Variants in CRPPA observed in about 807,000 individuals in gnomAD.
CRPPA encodes the protein CDP-L-ribitol pyrophosphorylase A, also known as D-ribitol-5-phosphate cytidylyltransferase.
A neutral mutation model predicts 52.0 loss-of-function variants in CRPPA; 43 were observed. The observed-to-expected ratio is 0.83, with a 90% CI of 0.65 to 1.07. The LOEUF (loss-of-function observed/expected upper bound fraction) is 1.07, where lower values mean the gene tolerates loss of function less well. Among genes scored for constraint, CRPPA ranks in the 50% least tolerant of loss-of-function variants. The pLI is 0.00. For missense variants in CRPPA, 629 were observed against 551.7 expected (o/e 1.14, Z -1.40); for synonymous variants, 250 against 203.5 (o/e 1.23, Z -1.94).
chr7:16,117,305 G>C (rs1282105983), intron 9 of CRPPA, among the ~76,000 whole-genome samples: 2 of 152,164 alleles, frequency 1.3e-5, no homozygotes, highest in African/African-American at 4.8e-5. Context: ...GCAGCATCAG[G>C]GGTGAGTTCT....
intron 9 of CRPPA, among the ~76,000 whole-genome samples, chr7:16,171,760 T>A (rs1278910613): frequency 6.6e-6 from 1 of 152,070 alleles, no homozygotes; most frequent in Non-Finnish European, 1.5e-5. Context: ...GCCACTGCAC[T>A]CAGCCTGGGC....
intron 8 of CRPPA, among the ~76,000 whole-genome samples, chr7:16,234,590 C>G (rs1325869188): frequency 2.6e-5 from 4 of 152,070 alleles, no homozygotes; most frequent in African/African-American, 7.2e-5. Flanking sequence ...TAGAATGTAG[C>G]CATTACTTGA....
In CRPPA at chr7:16,091,460, T is replaced by G. The variant is rs1781835289; in HGVS notation, c.*235A>C. On this transcript the variant is annotated 3_prime_UTR_variant, in exon 10 of 10. Coordinates refer to ENST00000407010, the MANE Select transcript of CRPPA (RefSeq NM_001101426.4). Reference sequence around the variant, plus strand: ...TCATTTGAAGGCTATTATTTTCCACTTATCTACTATTTTTTTCTGGTTCAG... The same window carrying G: ...TCATTTGAAGGCTATTATTTTCCACGTATCTACTATTTTTTTCTGGTTCAG... 2.7e-6 allele frequency: 1 copy of G among 373,500 alleles called. No individual in the cohort carries two copies. Among genetic ancestry groups the G allele is most frequent in the Non-Finnish European group, 4.7e-6 (1 of 211,856 alleles). 23.1% of individuals were successfully genotyped at this position (373,500 alleles called of 1,614,324 possible).
intron 9 of CRPPA, among the ~76,000 whole-genome samples, chr7:16,116,840 T>C (rs554910841): frequency 3.9e-5 from 6 of 152,182 alleles, no homozygotes; most frequent in South Asian, 2.1e-4. Context: ...GAACAAAACA[T>C]GAATAAGATT....
intron 9 of CRPPA, among the ~76,000 whole-genome samples, chr7:16,185,241 G>A (rs921845856): frequency 1.3e-5 from 2 of 152,116 alleles, no homozygotes; most frequent in Non-Finnish European, 2.9e-5. Context: ...GCTTGTGCAG[G>A]GAAACTCCCC....
intron 3 of CRPPA, among the ~76,000 whole-genome samples, chr7:16,374,636 T>C (rs1484190920): frequency 1.3e-5 from 2 of 152,178 alleles, no homozygotes; most frequent in East Asian, 3.9e-4. Context: ...TACCAGTCTA[T>C]CTGCATCTTT....
intron 9 of CRPPA, among the ~76,000 whole-genome samples, chr7:16,183,096 T>C (rs989662532): frequency 6.6e-6 from 1 of 152,082 alleles, no homozygotes; most frequent in African/African-American, 2.4e-5. Flanking sequence ...CCCAGGGAAC[T>C]GTAACTAAAT....
intron 5 of CRPPA, among the ~76,000 whole-genome samples, chr7:16,285,261 C>G (rs1287184004): frequency 6.6e-6 from 1 of 152,066 alleles, no homozygotes; most frequent in Non-Finnish European, 1.5e-5. Flanking sequence ...ATATAATAAT[C>G]TAGTCTTTTG....
chr7:16,187,324 T>A (rs754657448), intron 9 of CRPPA, among the ~76,000 whole-genome samples: 1 of 152,178 alleles, frequency 6.6e-6, no homozygotes, highest in Non-Finnish European at 1.5e-5. Flanking sequence ...TCTAGGGGAT[T>A]TTCTGTTCCT....
At chr7:16,369,726 C>T (rs1786699306) in intron 3 of CRPPA, among the ~76,000 whole-genome samples, 1 of 152,110 alleles carries the variant, frequency 6.6e-6, no homozygotes, top group African/African-American at 2.4e-5. Flanking sequence ...GACTAGCTCA[C>T]TTGGAAGGAC....
At chr7:16,326,852 T>G (rs921109910) in intron 3 of CRPPA, among the ~76,000 whole-genome samples, 3 of 151,618 alleles carry the variant, frequency 2.0e-5, no homozygotes, top group African/African-American at 7.3e-5. Flanking sequence ...AATTCCAAAT[T>G]GGACCAATTT....
At chr7:16,355,774 G>T (rs1786279231) in intron 3 of CRPPA, among the ~76,000 whole-genome samples, 1 of 152,124 alleles carries the variant, frequency 6.6e-6, no homozygotes, top group Admixed American at 6.5e-5. Flanking sequence ...AGTGGTTTGG[G>T]TGTTGAGATA....
chr7:16,287,757 A>G (rs1784480070), intron 5 of CRPPA, among the ~76,000 whole-genome samples: 2 of 152,140 alleles, frequency 1.3e-5, no homozygotes, highest in South Asian at 2.1e-4. Context: ...CCCTGTCTCT[A>G]CTAAAAATAC....
At chr7:16,284,153 GTC>G (rs1233742949) in intron 5 of CRPPA, among the ~76,000 whole-genome samples, 1 of 151,974 alleles carries the variant, frequency 6.6e-6, no homozygotes, top group Admixed American at 6.6e-5. Context: ...GACTTGAAAA[GTC>G]TTTTCATTTA....
intron 8 of CRPPA, among the ~76,000 whole-genome samples, chr7:16,252,792 T>C (rs1336177436): frequency 1.3e-5 from 2 of 152,204 alleles, no homozygotes; most frequent in Admixed American, 6.5e-5. Flanking sequence ...ACTCTGTTAT[T>C]GGTCTATTCA....
intron 2 of CRPPA, among the ~76,000 whole-genome samples, chr7:16,383,707 C>T (rs1486734583): frequency 6.6e-6 from 1 of 152,228 alleles, no homozygotes; most frequent in Non-Finnish European, 1.5e-5. Flanking sequence ...TGGCAGGCGC[C>T]CCTCCCCCAG....
In CRPPA at chr7:16,091,705, A is replaced by C; in HGVS notation, c.1346T>G (p.Leu449Arg). The C allele has an allele frequency of 1.3e-6, 2 of 1,547,314 alleles. No homozygotes were observed. Among genetic ancestry groups the C allele is most frequent in the Non-Finnish European group, 1.8e-6 (2 of 1,142,114 alleles). The change falls in exon 10 of 10, where the codon CTG becomes CGG. Residue 449 changes from leucine (L) to arginine (R), a missense_variant. Leu to Arg is a moderately radical substitution (Grantham distance 102). Transcript: ENST00000407010. ...ERNSGLIGQL[L>R]IA ...AATTTTTTGTGTTCTTCATGCTATC[A>C]GAAGCTGACCAATGAGTCCAGAATT...
chr7:16,147,586 G>T (rs1782999135), intron 9 of CRPPA, among the ~76,000 whole-genome samples: 1 of 152,078 alleles, frequency 6.6e-6, no homozygotes, highest in Admixed American at 6.6e-5. Flanking sequence ...TCAAGTAAAT[G>T]AACTTCCTCC....
At chr7:16,210,881 T>G (rs140464797) in intron 9 of CRPPA, among the ~76,000 whole-genome samples, 84 of 151,148 alleles carry the variant, frequency 5.6e-4, no homozygotes, top group Non-Finnish European at 1.1e-3. Flanking sequence ...GCAAACATAC[T>G]GTCAGATAGA....
Sources: gnomAD v4.1 joint callset for allele counts (sites outside exome capture counted in the v4.1 genomes callset) on GRCh38, gnomAD v4.1.1 for gene constraint, MANE v1.5 for transcripts, NCBI Gene and HGNC (gene_info 2026-07-23, HGNC 2026-07-21) for gene names.